Variants in DLG2 observed in about 807,000 individuals in gnomAD.
DLG2 encodes the protein discs large MAGUK scaffold protein 2, also known as disks large homolog 2.
Under a neutral mutation model 132.5 loss-of-function variants are expected in DLG2, and 45 were observed. The ratio of observed to expected loss-of-function variants is 0.34; its 90% confidence interval spans 0.27 to 0.44. The LOEUF is 0.44. Ranked by LOEUF, DLG2 falls within the 20% of genes least tolerant of loss-of-function variation. The pLI is 1.00. For missense variants in DLG2, 1,045 were observed against 1,196.9 expected (o/e 0.87, Z 1.87); for synonymous variants, 424 against 419.6 (o/e 1.01, Z -0.13).
intron 17 of DLG2, among the ~76,000 whole-genome samples, chr11:83,798,284 C>G (rs940411685): frequency 6.6e-6 from 1 of 152,148 alleles, no homozygotes; most frequent in African/African-American, 2.4e-5. Context: ...TCATATGCAT[C>G]AAAAGATGTG....
chr11:84,316,496 TAAAC>T (rs2098357308), intron 7 of DLG2, among the ~76,000 whole-genome samples: 1 of 152,038 alleles, frequency 6.6e-6, no homozygotes. Context: ...AAAATAATAA[TAAAC>T]AGGCAGGACA....
intron 6 of DLG2, among the ~76,000 whole-genome samples, chr11:84,846,709 G>A (rs797008661): frequency 2.6e-5 from 4 of 152,214 alleles, no homozygotes; most frequent in African/African-American, 9.6e-5. Context: ...ACTTTGACTG[G>A]TCTGTGGCTT....
chr11:84,346,183 T>C (rs930136031), intron 7 of DLG2, among the ~76,000 whole-genome samples: 1 of 152,234 alleles, frequency 6.6e-6, no homozygotes, highest in African/African-American at 2.4e-5. Context: ...TTAAGTCATA[T>C]AGTGCAAAGT....
intron 17 of DLG2, among the ~76,000 whole-genome samples, chr11:83,818,681 A>G (rs535750350): frequency 1.3e-5 from 2 of 152,176 alleles, no homozygotes; most frequent in East Asian, 1.9e-4. Context: ...CTATGTTAGT[A>G]AGGGTATGAA....
chr11:83,771,821 A>G (rs191178122), intron 18 of DLG2, among the ~76,000 whole-genome samples: 2 of 152,326 alleles, frequency 1.3e-5, no homozygotes, highest in Non-Finnish European at 2.9e-5. Context: ...CAACAGAGGT[A>G]TTTACGCGTT....
intron 3 of DLG2, among the ~76,000 whole-genome samples, chr11:85,458,258 T>G (rs965139947): frequency 6.6e-6 from 1 of 152,252 alleles, no homozygotes; most frequent in African/African-American, 2.4e-5. Flanking sequence ...TATAAAATTC[T>G]TGCAGTATGT....
At chr11:84,948,428 G>A (rs979871681) in intron 6 of DLG2, among the ~76,000 whole-genome samples, 1 of 152,194 alleles carries the variant, frequency 6.6e-6, no homozygotes, top group Admixed American at 6.5e-5. Context: ...GCAGACAGAA[G>A]ACATGACCAA....
At chr11:85,628,070 A>C (rs1489113094), upstream of DLG2, 1 of 156,476 alleles carries the variant, frequency 6.4e-6, no homozygotes, top group African/African-American at 2.4e-5. Context: ...AGGGGACTAC[A>C]GACTGGGGAG....
intron 3 of DLG2, among the ~76,000 whole-genome samples, chr11:85,443,887 A>G (rs1370511756): frequency 3.3e-5 from 5 of 152,204 alleles, no homozygotes; most frequent in African/African-American, 1.2e-4. Flanking sequence ...ACAACAAAGT[A>G]AGCCCTAATT....
At chr11:83,875,801 G>A (rs2064631281) in intron 15 of DLG2, among the ~76,000 whole-genome samples, 1 of 152,122 alleles carries the variant, frequency 6.6e-6, no homozygotes, top group Non-Finnish European at 1.5e-5. Context: ...CAAACTACAG[G>A]CTGCAGAGTC....
At chr11:85,044,092 G>T (rs540525729) in intron 6 of DLG2, among the ~76,000 whole-genome samples, 3 of 151,992 alleles carry the variant, frequency 2.0e-5, no homozygotes, top group East Asian at 1.9e-4. Flanking sequence ...TGCACATGCT[G>T]TTACTTTGCC....
intron 9 of DLG2, among the ~76,000 whole-genome samples, chr11:84,117,552 C>G (rs2093692589): frequency 6.6e-6 from 1 of 152,170 alleles, no homozygotes; most frequent in Admixed American, 6.5e-5. Context: ...CCTCATGTAT[C>G]TAAACGTGGT....
chr11:84,100,935 T>A (rs2092467662), intron 9 of DLG2, among the ~76,000 whole-genome samples: 1 of 152,182 alleles, frequency 6.6e-6, no homozygotes, highest in Non-Finnish European at 1.5e-5. Flanking sequence ...GTGAAATGAA[T>A]AATTCAGCTA....
At chr11:85,016,473 C>G (rs1386171253) in intron 6 of DLG2, among the ~76,000 whole-genome samples, 1 of 152,032 alleles carries the variant, frequency 6.6e-6, no homozygotes, top group African/African-American at 2.4e-5. Flanking sequence ...TTCATTTGAA[C>G]TATTTTCTCA....
At chr11:84,817,778 A>T (rs1224263459) in intron 6 of DLG2, among the ~76,000 whole-genome samples, 1 of 151,982 alleles carries the variant, frequency 6.6e-6, no homozygotes, top group Non-Finnish European at 1.5e-5. Context: ...TCAAAAAATC[A>T]TCTCCTGCTT....
At chr11:84,820,726 T>TA (rs768842763) in intron 6 of DLG2, among the ~76,000 whole-genome samples, 2 of 139,084 alleles carry the variant, frequency 1.4e-5, no homozygotes, top group Non-Finnish European at 3.2e-5. Flanking sequence ...TAAAGTGAAA[T>TA]ACCTTTTTTT....
chr11:84,035,429 A>G (rs929033691), intron 11 of DLG2, among the ~76,000 whole-genome samples: 4 of 152,224 alleles, frequency 2.6e-5, no homozygotes, highest in Non-Finnish European at 5.9e-5. Flanking sequence ...AAAGCCCTTA[A>G]TAAAGAGAGA....
At chr11:84,757,434 A>G (rs1475399372) in intron 6 of DLG2, among the ~76,000 whole-genome samples, 2 of 152,174 alleles carry the variant, frequency 1.3e-5, no homozygotes, top group African/African-American at 2.4e-5. Context: ...ACACACATAC[A>G]CACCTTTTAT....
chr11:84,339,634 G>T (rs1379435680), intron 7 of DLG2, among the ~76,000 whole-genome samples: 1 of 152,118 alleles, frequency 6.6e-6, no homozygotes, highest in African/African-American at 2.4e-5. Flanking sequence ...AAGGAGTCTG[G>T]ACTCTGTGGT....
Sources: gnomAD v4.1 joint callset for allele counts (sites outside exome capture counted in the v4.1 genomes callset) on GRCh38, gnomAD v4.1.1 for gene constraint, MANE v1.5 for transcripts, NCBI Gene and HGNC (gene_info 2026-07-23, HGNC 2026-07-21) for gene names.